TNK2: variants seen among roughly 807,000 people sequenced by gnomAD.
The protein encoded by TNK2 is tyrosine kinase non receptor 2.
Under a neutral mutation model 101.8 loss-of-function variants are expected in TNK2, and 83 were observed. The ratio of observed to expected loss-of-function variants is 0.82; its 90% CI spans 0.68 to 0.98. The LOEUF (loss-of-function observed/expected upper bound fraction) is 0.98. Among genes scored for constraint, TNK2 ranks in the 50% least tolerant of loss-of-function variants. The pLI, the probability that TNK2 is intolerant of heterozygous loss-of-function variation, is 0.00. For synonymous variants in TNK2, 804 were observed against 633.0 expected, an observed-to-expected ratio of 1.27 and a Z score of -4.06; for missense variants, 1,665 against 1,483.2, an observed-to-expected ratio of 1.12 and a Z score of -2.01.
intron 1 of TNK2, chr3:195,895,302 A>G (rs372858923): frequency 3.2e-6 from 5 of 1,573,158 alleles, no homozygotes; most frequent in East Asian, 2.5e-5. Context: ...TCCCCCATGG[A>G]GCCCCAAATC....
chr3:195,880,279 A>G (rs1056360884), intron 6 of TNK2, among the ~76,000 whole-genome samples: 1 of 152,072 alleles, frequency 6.6e-6, no homozygotes, highest in Non-Finnish European at 1.5e-5. Flanking sequence ...CCTGTCTACC[A>G]CTAGCTCTCC....
chr3:195,869,319 CGGGGGGCGGGCTCGAG>C (rs1743187899), intron 12 of TNK2, 162 bp downstream of exon 12: 1 of 684,988 alleles, frequency 1.5e-6, no homozygotes, highest in Admixed American at 2.3e-5. Context: ...GCCCAGGCTC[CGGGGGGCGGGCTCGAG>C]GGGGGGCAGG....
At chr3:195,872,121 G>A (rs560703596) in intron 10 of TNK2, among the ~76,000 whole-genome samples, 155 bp downstream of exon 10, 5 of 152,356 alleles carry the variant, frequency 3.3e-5, no homozygotes, top group East Asian at 1.9e-4. Flanking sequence ...ACAGCTTCCC[G>A]AGAGTAAGGC....
chr3:195,873,848 C>T (rs1577024663), intron 9 of TNK2, among the ~76,000 whole-genome samples: 1 of 152,062 alleles, frequency 6.6e-6, no homozygotes, highest in South Asian at 2.1e-4. Context: ...CGCGGGGAGA[C>T]GGGGCTGTGC....
intron 1 of TNK2, chr3:195,895,329 G>A: frequency 6.4e-7 from 1 of 1,574,406 alleles, no homozygotes; most frequent in East Asian, 2.5e-5. Context: ...GCTGCGGTCA[G>A]GGAGAGAAGC....
At chr3:195,906,797 T>G (rs1761768217) in intron 1 of TNK2, among the ~76,000 whole-genome samples, 3 of 152,110 alleles carry the variant, frequency 2.0e-5, no homozygotes, top group Admixed American at 2.0e-4. Flanking sequence ...AAAGAAACAC[T>G]GCATCTTCTA....
Position 195,879,112 on chromosome 3 carries a change from C to T in TNK2, c.951G>A (p.Gly317=), listed in dbSNP as rs1182129736. The T allele has an allele frequency of 1.2e-6, 2 of 1,613,788 alleles. No homozygotes were observed. The highest frequency in any genetic ancestry group is 1.3e-5 in the African/African-American group (1 of 74,888). ...AGGTGAACATTTCCCACAGTGTCAC[C>T]CCGAACATCCAGGTGTCGCTGGCAT... ...FSHASDTWMF[G]VTLWEMFTYG... Residue 317 remains glycine, a synonymous_variant, in exon 7 of 16, where the codon GGG becomes GGA. Transcript: ENST00000672887.
chr3:195,873,834 G>A (rs1374959400), intron 9 of TNK2, among the ~76,000 whole-genome samples: 2 of 152,004 alleles, frequency 1.3e-5, no homozygotes, highest in Non-Finnish European at 2.9e-5. Flanking sequence ...CGGGGGGCGC[G>A]GGGCGCGGGG....
intron 1 of TNK2, among the ~76,000 whole-genome samples, chr3:195,898,629 G>C (rs964518241): frequency 3.3e-5 from 5 of 150,992 alleles, no homozygotes; most frequent in African/African-American, 1.2e-4. Context: ...GGTTCTTCTT[G>C]TTTTTTGTTT....
At chr3:195,899,721 T>A (rs1304976553) in intron 1 of TNK2, among the ~76,000 whole-genome samples, 1 of 152,242 alleles carries the variant, frequency 6.6e-6, no homozygotes, top group Non-Finnish European at 1.5e-5. Context: ...ATAATTGTGC[T>A]GAAGGAGCGG....
Position 195,868,673 on chromosome 3 carries a change from GGGTCTTGGTCCTCGC to G in TNK2, c.1610_1624del (p.Ser537_Pro542delinsThr), listed in dbSNP as rs1347698322. ...CAGCCTCTTGAAGTCGCTGGACAAGGGGTCTTGGTCCTCGCTCACAGGGTCATAGGTTGGTTCTGT... is the reference window on the plus strand; with the variant it reads ...CAGCCTCTTGAAGTCGCTGGACAAGGTCACAGGGTCATAGGTTGGTTCTGT... On this transcript the variant is annotated inframe_deletion, in exon 13 of 16. Coordinates refer to ENST00000672887, the MANE Select transcript of TNK2 (RefSeq NM_001382273.1). The G allele has an allele frequency of 1.3e-6, 2 of 1,593,114 alleles. No homozygotes were observed. The highest frequency in any genetic ancestry group is 4.5e-5 in the East Asian group (2 of 44,296).
At chr3:195,881,937 C>G in intron 6 of TNK2, 114 bp downstream of exon 6, 2 of 1,305,666 alleles carry the variant, frequency 1.5e-6, no homozygotes, top group Non-Finnish European at 2.1e-6. Flanking sequence ...AGGCTTAGAA[C>G]AGACAAGGGC....
intron 10 of TNK2, among the ~76,000 whole-genome samples, chr3:195,871,749 C>T (rs953250086): frequency 1.3e-5 from 2 of 152,214 alleles, no homozygotes; most frequent in Admixed American, 1.3e-4. Context: ...CTCTCAGGAC[C>T]CCTGCATCTG....
At chr3:195,892,449 A>T in intron 1 of TNK2, 1 of 1,535,380 alleles carries the variant, frequency 6.5e-7, no homozygotes, top group Non-Finnish European at 8.7e-7. Flanking sequence ...AGGAGAGGGA[A>T]GGAGAGCTCC....
At chr3:195,865,970 A>AT (rs1489522034) in intron 15 of TNK2, among the ~76,000 whole-genome samples, 13 of 152,144 alleles carry the variant, frequency 8.5e-5, no homozygotes, top group African/African-American at 3.1e-4. Flanking sequence ...GGCAGCAGGT[A>AT]TCTCCAGGGC....
chr3:195,867,645 C>G lies in TNK2; in HGVS notation c.2653G>C (p.Glu885Gln), dbSNP rs1156635783. 6.2e-7 allele frequency: 1 copy of G among 1,602,996 alleles called. No individual in the cohort carries two copies. The highest frequency in any genetic ancestry group is 1.3e-5 in the African/African-American group (1 of 74,894). Residue 885 changes from glutamate to glutamine, a missense_variant, in exon 13 of 16, where the codon GAG becomes CAG. Around this residue, in one of 3 missense-constraint regions of TNK2, gnomAD observed 1,136 missense variants for 894.9 expected, o/e 1.27. Coordinates refer to ENST00000672887, the MANE Select transcript of TNK2 (RefSeq NM_001382273.1). Reference protein sequence around the residue: ...YLLPERPSYLERYQRFLREAQ... With the variant: ...YLLPERPSYLQRYQRFLREAQ... ...TCACGCAGGAAGCGCTGGTAGCGCTCCAGGTAGGATGGTCGCTCGGGCAGC... is the reference window on the plus strand; with the variant it reads ...TCACGCAGGAAGCGCTGGTAGCGCTGCAGGTAGGATGGTCGCTCGGGCAGC...
At chr3:195,864,656 T>C (rs3890033) in intron 15 of TNK2, among the ~76,000 whole-genome samples, 61,177 of 104,336 alleles carry the variant, frequency 0.59, 17,509 homozygotes, top group African/African-American at 0.73. Context: ...AAGAACCACC[T>C]GAGACAGTGA....
At chr3:195,891,866 G>C in intron 1 of TNK2, 2 of 968,612 alleles carry the variant, frequency 2.1e-6, no homozygotes, top group Non-Finnish European at 2.5e-6. Flanking sequence ...TCTTCAGAAA[G>C]CACAGCCCGG....
chr3:195,886,847 C>A lies in TNK2; in HGVS notation c.234+130G>T. ...CGATAAGACCCTGGACGAGGGGGTC[C>A]TGTACAAAGTGCCGGCAGAACGGCG... On this transcript the variant is annotated intron_variant, in intron 3 of 15. Transcript: ENST00000672887. The surrounding 1 kb of genome is among the most constrained non-coding windows in gnomAD (Gnocchi z 4.2). The A allele has an allele frequency of 1.0e-6, 1 of 977,776 alleles. No individual in the cohort carries two copies. Among genetic ancestry groups the A allele is most frequent in the Non-Finnish European group, 1.6e-6 (1 of 608,590 alleles). The allele number at this position is 977,776 out of a possible 1,614,324, so 60.6% of individuals were successfully genotyped here.
Sources: gnomAD v4.1 joint callset for allele counts (sites outside exome capture counted in the v4.1 genomes callset) on GRCh38, gnomAD v4.1.1 for gene constraint, gnomAD v4.1.1 regional missense constraint, Gnocchi (gnomAD v3.1) non-coding constraint, MANE v1.5 for transcripts, NCBI Gene and HGNC (gene_info 2026-07-23, HGNC 2026-07-21) for gene names.